Variants in CNTNAP3 observed in about 807,000 individuals in gnomAD.
The protein encoded by CNTNAP3 is contactin-associated protein-like 3.
Under a neutral mutation model 92.1 loss-of-function variants are expected in CNTNAP3, and 36 were observed. The ratio of observed to expected loss-of-function variants is 0.39; its 90% confidence interval spans 0.30 to 0.52. CNTNAP3 has a LOEUF of 0.52. CNTNAP3 is among the 20% of genes least tolerant of loss of function. The pLI is 0.76. For missense variants in CNTNAP3, 534 were observed against 1,069.6 expected (o/e 0.50, Z 6.98); for synonymous variants, 232 against 422.3 (o/e 0.55, Z 5.53).
intron 10 of CNTNAP3, among the ~76,000 whole-genome samples, chr9:39,147,781 A>T (rs555732801): frequency 6.6e-6 from 1 of 152,218 alleles, no homozygotes; most frequent in South Asian, 2.1e-4. Flanking sequence ...AACAGCCTAT[A>T]ACAGTAAAAA....
At chr9:39,096,016 C>T (rs1233244710) in intron 18 of CNTNAP3, among the ~76,000 whole-genome samples, 1 of 151,622 alleles carries the variant, frequency 6.6e-6, no homozygotes, top group Non-Finnish European at 1.5e-5. Context: ...TCCTCTGACT[C>T]ATGTTACCAT....
chr9:39,067,188 C>T lies in CNTNAP3; in HGVS notation c.*6702G>A, dbSNP rs1381353586. ...CTTATACATTAACATTGTCATCTCT[C>T]GAAGTTTAATTAAAGCCTTTTCTTG... On this transcript the variant is annotated 3_prime_UTR_variant, in exon 24 of 24. Transcript: ENST00000297668. 5.2e-5 allele frequency among the ~76,000 whole-genome samples: 8 copies of T among 152,418 alleles called. No homozygotes were observed. Among genetic ancestry groups the T allele is most frequent in the African/African-American group, 1.7e-4 (7 of 41,606 alleles).
At chr9:39,112,427 G>A (rs1250298760) in intron 14 of CNTNAP3, among the ~76,000 whole-genome samples, 1 of 152,022 alleles carries the variant, frequency 6.6e-6, no homozygotes, top group East Asian at 1.9e-4. Context: ...GTGCAATGGT[G>A]TGATCTCTGC....
At chr9:39,112,213 GT>G (rs1288298899) in intron 14 of CNTNAP3, among the ~76,000 whole-genome samples, 4 of 151,422 alleles carry the variant, frequency 2.6e-5, no homozygotes, top group Admixed American at 6.6e-5. Context: ...AATTCCTACG[GT>G]TCTGGAAATT....
Position 39,089,202 on chromosome 9 carries a change from TTC to T in CNTNAP3, c.2996-557_2996-556del, listed in dbSNP as rs1288184732. Among the ~76,000 whole-genome samples, 14 of 152,278 alleles carry T rather than the reference TTC, an allele frequency of 9.2e-5. No individual in the cohort carries two copies. In the South Asian group the frequency reaches 2.5e-3, roughly 27 times the overall value. Reference sequence around the variant, plus strand: ...AAACCTCCATAACCTCTAGCAGTCATTCTCTGTTTCTCCCCAACACCCCAGCC... The same window carrying T: ...AAACCTCCATAACCTCTAGCAGTCATTCTGTTTCTCCCCAACACCCCAGCC... On this transcript the variant is annotated intron_variant, in intron 18 of 23. Transcript: ENST00000297668.
At chr9:39,168,373 T>A (rs972192373) in intron 8 of CNTNAP3, among the ~76,000 whole-genome samples, 7 of 143,414 alleles carry the variant, frequency 4.9e-5, no homozygotes, top group African/African-American at 1.8e-4. Context: ...AGCAGGCAAA[T>A]GATTATTGTC....
chr9:39,144,302 G>A lies in CNTNAP3; in HGVS notation c.1694C>T (p.Ser565Leu), dbSNP rs781066365. 2.5e-6 allele frequency: 4 copies of A among 1,574,622 alleles called. No homozygotes were observed. The highest frequency in any genetic ancestry group is 2.3e-5 in the South Asian group (2 of 85,842). The change falls in exon 11 of 24, where the codon TCG (serine) becomes TTG (leucine). Residue 565 changes from serine (S) to leucine (L), a missense_variant. Ser to Leu is a moderately radical substitution (Grantham distance 145). Coordinates refer to ENST00000297668, the MANE Select transcript of CNTNAP3 (RefSeq NM_033655.5). ...YCEHGGECSQ[S>L]WDTFSCDCLG... ...ACAGTCACAGGAGAAGGTGTCCCAC[G>A]ACTGGGAACACTCGCCCCCATGCTC...
chr9:39,069,629 C>T lies in CNTNAP3; in HGVS notation c.*4261G>A, dbSNP rs1321950346. The stretch of plus-strand genomic sequence containing the variant: ...AAAAAAAATACCACAGGAAGTAGTG[C>T]TTCAGTACATTTTCCCGACGATATG... On this transcript the variant is annotated 3_prime_UTR_variant, in exon 24 of 24. Transcript: ENST00000297668. Among the ~76,000 whole-genome samples the T allele has an allele frequency of 6.6e-6, 1 of 152,300 alleles. No homozygotes were observed. The highest frequency in any genetic ancestry group is 2.4e-5 in the African/African-American group (1 of 41,480).
chr9:39,082,406 A>C (rs1229482758), intron 21 of CNTNAP3, among the ~76,000 whole-genome samples: 1 of 152,018 alleles, frequency 6.6e-6, no homozygotes, highest in Non-Finnish European at 1.5e-5. Context: ...AACTTAGTGC[A>C]GCCTCCTCAT....
At chr9:39,217,499 T>G (rs1358336742) in intron 3 of CNTNAP3, among the ~76,000 whole-genome samples, 1 of 12,218 alleles carries the variant, frequency 8.2e-5, no homozygotes, top group African/African-American at 1.2e-4. Context: ...GTTTACCTCA[T>G]TATTTCTCAA....
At chr9:39,128,780 C>T (rs1821207678) in intron 13 of CNTNAP3, among the ~76,000 whole-genome samples, 2 of 150,678 alleles carry the variant, frequency 1.3e-5, no homozygotes, top group Admixed American at 6.6e-5. Context: ...ATAGAAAATC[C>T]CAAGGAAACT....
At chr9:39,110,018 C>A (rs1188385798) in intron 14 of CNTNAP3, among the ~76,000 whole-genome samples, 1 of 152,026 alleles carries the variant, frequency 6.6e-6, no homozygotes, top group Non-Finnish European at 1.5e-5. Flanking sequence ...GATTCAAAAC[C>A]AAATACATAC....
At chr9:39,103,284 C>T (rs1826511674) in intron 16 of CNTNAP3, among the ~76,000 whole-genome samples, 1 of 152,230 alleles carries the variant, frequency 6.6e-6, no homozygotes, top group Non-Finnish European at 1.5e-5. Context: ...TTTATTTTCT[C>T]TTAAAAATGA....
At chr9:39,084,237 C>T (rs1826017067) in intron 21 of CNTNAP3, among the ~76,000 whole-genome samples, 1 of 140,020 alleles carries the variant, frequency 7.1e-6, no homozygotes, top group South Asian at 2.3e-4. Flanking sequence ...CTCGCTCTGT[C>T]ATCCAGGCTG....
intron 15 of CNTNAP3, among the ~76,000 whole-genome samples, chr9:39,105,288 A>G (rs546165735): frequency 2.2e-4 from 33 of 152,190 alleles, no homozygotes; most frequent in Non-Finnish European, 4.0e-4. Context: ...TTAGCCAGGC[A>G]TGGTGGTGGG....
chr9:39,141,402 T>C (rs956825845), intron 11 of CNTNAP3, among the ~76,000 whole-genome samples: 11 of 152,164 alleles, frequency 7.2e-5, no homozygotes, highest in African/African-American at 2.2e-4. Flanking sequence ...TTATAAGCTA[T>C]CAACATCTCA....
chr9:39,125,283 T>TCA (rs1821129361), intron 13 of CNTNAP3, among the ~76,000 whole-genome samples: 1 of 151,762 alleles, frequency 6.6e-6, no homozygotes, highest in Non-Finnish European at 1.5e-5. Flanking sequence ...CTGCATGTTC[T>TCA]CACTCATAGG....
Position 39,118,107 on chromosome 9 carries a change from C to T in CNTNAP3, c.2233G>A (p.Glu745Lys). 6.2e-7 allele frequency: 1 copy of T among 1,604,754 alleles called. No homozygotes were observed. The highest frequency in any genetic ancestry group is 8.5e-7 in the Non-Finnish European group (1 of 1,175,290). Residue 745 changes from glutamate to lysine, a missense_variant, in exon 14 of 24, where the codon GAA becomes AAA. Physicochemically the swap from Glu to Lys is moderately conservative, Grantham distance 56 (BLOSUM62 1). Transcript: ENST00000297668. Reference protein sequence around the residue: ...YYCNCDAGRNEWTSDTIVLSQ... With the variant: ...YYCNCDAGRNKWTSDTIVLSQ... Reference sequence around the variant, plus strand: ...GGGAAATCATGTGGAAATCACCATTCATTCCGGCCAGCATCACAGTTGCAG... The same window carrying T: ...GGGAAATCATGTGGAAATCACCATTTATTCCGGCCAGCATCACAGTTGCAG...
intron 14 of CNTNAP3, among the ~76,000 whole-genome samples, chr9:39,110,208 C>A (rs982558745): frequency 2.5e-4 from 38 of 152,052 alleles, no homozygotes; most frequent in Non-Finnish European, 4.4e-4. Flanking sequence ...CCAGCCTGGG[C>A]AACATAGTGA....
Sources: gnomAD v4.1 joint callset for allele counts (sites outside exome capture counted in the v4.1 genomes callset) on GRCh38, gnomAD v4.1.1 for gene constraint, MANE v1.5 for transcripts, NCBI Gene and HGNC (gene_info 2026-07-23, HGNC 2026-07-21) for gene names.